Variants in CRIM1 observed in about 807,000 individuals in gnomAD.
CRIM1 encodes cysteine-rich motor neuron 1 protein.
A neutral mutation model predicts 116.4 loss-of-function variants in CRIM1; 32 were observed. That is an observed-to-expected ratio of 0.27 (90% CI 0.21 to 0.37). CRIM1 has a LOEUF of 0.37. Ranked by LOEUF, CRIM1 falls within the 10% of genes least tolerant of loss-of-function variation. CRIM1 has a pLI of 1.00. For missense variants in CRIM1, 1,331 were observed against 1,354.8 expected, an observed-to-expected ratio of 0.98 and a Z score of 0.28; for synonymous variants, 590 against 509.2, an observed-to-expected ratio of 1.16 and a Z score of -2.13.
rs964868501 is a variant in CRIM1, at chr2:36,549,485, T to A, written c.*784T>A. On this transcript the variant is annotated 3_prime_UTR_variant, in exon 17 of 17. Transcript: ENST00000280527. The stretch of plus-strand genomic sequence containing the variant: ...GTGAGCACTGGAGCTTTTTTTTTTT[T>A]ACAACGTGACAGGAAGAGGAGGGAG... 8.0e-5 allele frequency: 12 copies of A among 149,982 alleles called. No homozygotes were observed. The highest frequency in any genetic ancestry group is 2.5e-4 in the African/African-American group (10 of 40,422). The allele number at this position is 149,982 out of a possible 1,614,324, so 9.3% of individuals were successfully genotyped here.
chr2:36,489,580 T>TA (rs1558361946), intron 7 of CRIM1, among the ~76,000 whole-genome samples: 1 of 152,226 alleles, frequency 6.6e-6, no homozygotes, highest in Non-Finnish European at 1.5e-5. Flanking sequence ...CAATTCTTGT[T>TA]ATGAAAGTAC....
At chr2:36,512,970 C>G (rs1005696299) in intron 10 of CRIM1, among the ~76,000 whole-genome samples, 1 of 152,206 alleles carries the variant, frequency 6.6e-6, no homozygotes, top group Non-Finnish European at 1.5e-5. Context: ...TGCCTTTACC[C>G]CAGCTCCAGC....
intron 3 of CRIM1, among the ~76,000 whole-genome samples, chr2:36,442,127 C>T (rs560763407): frequency 3.3e-5 from 5 of 152,296 alleles, no homozygotes; most frequent in Admixed American, 6.5e-5. Context: ...CATCCTTGCT[C>T]TTGTGGCAGC....
At chr2:36,548,350 C>T (rs1017424018) in intron 16 of CRIM1, among the ~76,000 whole-genome samples, 175 bp from the exon 17 acceptor site, 2 of 149,878 alleles carry the variant, frequency 1.3e-5, no homozygotes, top group Non-Finnish European at 3.0e-5. Context: ...TTGTCAGTGT[C>T]CCTCATAAAA....
At chr2:36,513,307 G>T in intron 10 of CRIM1, 1 of 491,456 alleles carries the variant, frequency 2.0e-6, no homozygotes, top group Non-Finnish European at 3.7e-6. Context: ...TACAGTGGAA[G>T]GAATAAAAAA....
intron 2 of CRIM1, among the ~76,000 whole-genome samples, chr2:36,431,671 T>C (rs1349386238): frequency 1.2e-4 from 18 of 152,218 alleles, no homozygotes; most frequent in Admixed American, 1.2e-3. Flanking sequence ...TGGCTGCTCC[T>C]TTAATTCAGC....
At chr2:36,542,395 G>A (rs1326629712) in intron 14 of CRIM1, among the ~76,000 whole-genome samples, 2 of 152,208 alleles carry the variant, frequency 1.3e-5, no homozygotes, top group South Asian at 2.1e-4. Context: ...GAGCCCCTGT[G>A]GGAAGAGGAC....
rs141405934 is a variant in CRIM1, at chr2:36,473,196, G to A, written c.992-3693G>A. 2.9e-3 allele frequency among the ~76,000 whole-genome samples: 447 copies of A among 152,214 alleles called. 5 individuals are homozygous for A. The highest frequency in any genetic ancestry group is 0.01 in the African/African-American group (425 of 41,532). ...GCAAATGCAAATATCCTCCAAATGCGGTGAAAGTATTTTAGACATGCAAGG... is the reference window on the plus strand; with the variant it reads ...GCAAATGCAAATATCCTCCAAATGCAGTGAAAGTATTTTAGACATGCAAGG... On this transcript the variant is annotated intron_variant, in intron 5 of 16. Coordinates refer to ENST00000280527, the MANE Select transcript of CRIM1 (RefSeq NM_016441.3).
At chr2:36,363,301 G>A (rs1669352055) in intron 1 of CRIM1, among the ~76,000 whole-genome samples, 2 of 152,044 alleles carry the variant, frequency 1.3e-5, no homozygotes, top group Admixed American at 6.6e-5. Flanking sequence ...TAATGATAGG[G>A]TTGCTATAAG....
chr2:36,359,185 T>C (rs1248513458), intron 1 of CRIM1, among the ~76,000 whole-genome samples: 1 of 152,216 alleles, frequency 6.6e-6, no homozygotes, highest in Non-Finnish European at 1.5e-5. Flanking sequence ...TGTTGAAGTC[T>C]CTTTTGCTGC....
At chr2:36,375,165 CA>C (rs1415508411) in intron 1 of CRIM1, among the ~76,000 whole-genome samples, 2 of 149,866 alleles carry the variant, frequency 1.3e-5, no homozygotes, top group Admixed American at 1.3e-4. Context: ...CTGTTGTTTC[CA>C]AGGATGTAAA....
chr2:36,358,874 A>G (rs745510907), intron 1 of CRIM1, among the ~76,000 whole-genome samples: 1 of 152,204 alleles, frequency 6.6e-6, no homozygotes, highest in Non-Finnish European at 1.5e-5. Flanking sequence ...ATTTAGACAG[A>G]TATTTTCAAT....
At chr2:36,398,188 A>C (rs1672167365) in intron 2 of CRIM1, among the ~76,000 whole-genome samples, 1 of 152,214 alleles carries the variant, frequency 6.6e-6, no homozygotes, top group African/African-American at 2.4e-5. Flanking sequence ...TACACAATTT[A>C]GAATCATTAC....
chr2:36,439,140 C>A (rs1675573192), intron 2 of CRIM1, among the ~76,000 whole-genome samples: 1 of 152,128 alleles, frequency 6.6e-6, no homozygotes, highest in African/African-American at 2.4e-5. Context: ...GGTATTCTAT[C>A]CAACAGGAAA....
intron 14 of CRIM1, among the ~76,000 whole-genome samples, chr2:36,541,576 C>A (rs711246): frequency 6.6e-6 from 1 of 152,088 alleles, no homozygotes; most frequent in Non-Finnish European, 1.5e-5. Context: ...CACCAAGCAC[C>A]TCGCCCCGTA....
chr2:36,510,388 T>C (rs1371939669), intron 9 of CRIM1, among the ~76,000 whole-genome samples: 3 of 152,216 alleles, frequency 2.0e-5, no homozygotes, highest in East Asian at 1.9e-4. Flanking sequence ...TATATGAGAC[T>C]TTCCCATAGC....
At chr2:36,420,931 C>G (rs1674008478) in intron 2 of CRIM1, among the ~76,000 whole-genome samples, 1 of 152,150 alleles carries the variant, frequency 6.6e-6, no homozygotes, top group Non-Finnish European at 1.5e-5. Flanking sequence ...TTGAGTCTCT[C>G]CTGCCTGTTT....
At position 36,522,153 on chromosome 2, in the gene CRIM1, T is replaced by G; in HGVS notation, c.2268T>G (p.Asp756Glu). 1 of 1,614,208 alleles carries G rather than the reference T, an allele frequency of 6.2e-7. No individual in the cohort carries two copies. Among genetic ancestry groups the G allele is most frequent in the Non-Finnish European group, 8.5e-7 (1 of 1,180,028 alleles). The change falls in exon 13 of 17, where the codon GAT becomes GAG. Residue 756 changes from aspartate (D) to glutamate (E), a missense_variant. Physicochemically the swap from Asp to Glu is conservative, Grantham distance 45 (BLOSUM62 2). Coordinates refer to ENST00000280527, the MANE Select transcript of CRIM1 (RefSeq NM_016441.3). ...GCGTACCTAATTACTGCAAAAATGA[T>G]GAAGGGGATATATTCCTGGCAGCTG... Reference protein sequence around the residue: ...NNSVPNYCKNDEGDIFLAAES... With the variant: ...NNSVPNYCKNEEGDIFLAAES...
At chr2:36,502,955 A>G (rs1290194083) in intron 8 of CRIM1, among the ~76,000 whole-genome samples, 1 of 152,196 alleles carries the variant, frequency 6.6e-6, no homozygotes, top group African/African-American at 2.4e-5. Flanking sequence ...TAGTCTTGTC[A>G]TCTCGCTCAC....
Sources: gnomAD v4.1 joint callset for allele counts (sites outside exome capture counted in the v4.1 genomes callset) on GRCh38, gnomAD v4.1.1 for gene constraint, MANE v1.5 for transcripts, NCBI Gene and HGNC (gene_info 2026-07-23, HGNC 2026-07-21) for gene names.